The following TENM1 variants were observed in gnomAD, a reference collection of about 807,000 sequenced individuals.
TENM1 encodes the protein teneurin transmembrane protein 1.
TENM1 carries 35 observed loss-of-function variants against 174.8 expected under a neutral mutation model. The ratio of observed to expected loss-of-function variants is 0.20; its 90% CI spans 0.15 to 0.27. The LOEUF (loss-of-function observed/expected upper bound fraction) is 0.27, where lower values mean the gene tolerates loss of function less well. Among genes scored for constraint, TENM1 ranks in the 10% least tolerant of loss-of-function variants. The pLI is 1.00. For missense variants in TENM1, 1,633 were observed against 2,130.1 expected (o/e 0.77, Z 4.59); for synonymous variants, 781 against 798.7 (o/e 0.98, Z 0.37).
chrX:124,590,764 T>C (rs1233199359), intron 11 of TENM1, among the ~76,000 whole-genome samples: 1 of 111,897 alleles, frequency 8.9e-6, no homozygotes, highest in Non-Finnish European at 1.9e-5. Flanking sequence ...ATTGGTTGAG[T>C]GTCTAAGCTA....
chrX:124,968,836 T>G, the TENM1 span, among the ~76,000 whole-genome samples: 1 of 111,883 alleles, frequency 8.9e-6, no homozygotes. Flanking sequence ...GTCAAAGGCT[T>G]GAGAAACAGA....
intron 1 of TENM1, among the ~76,000 whole-genome samples, chrX:124,942,461 A>G (rs1035110849): frequency 5.4e-5 from 6 of 111,831 alleles, no homozygotes; most frequent in South Asian, 3.7e-4. Flanking sequence ...CGCAGGGCTC[A>G]CTATGAATAG....
chrX:124,737,525 A>T (rs1225664536), intron 3 of TENM1, among the ~76,000 whole-genome samples: 1 of 112,348 alleles, frequency 8.9e-6, no homozygotes, highest in East Asian at 2.8e-4. Flanking sequence ...ACCAAGTTAC[A>T]GAACAGAAGT....
intron 6 of TENM1, among the ~76,000 whole-genome samples, chrX:124,660,374 C>CAA (rs778832717): frequency 5.8e-5 from 6 of 103,030 alleles, no homozygotes; most frequent in African/African-American, 2.2e-4. Context: ...GACTCCATCT[C>CAA]CAAAAAAAAA....
At position 124,425,995 on chromosome X, in the gene TENM1, GGTGTGTGTGTGTGTGTGTGTGT is replaced by G. The variant is rs200141105; in HGVS notation, c.4105-3379_4105-3358del. 9.8e-4 allele frequency among the ~76,000 whole-genome samples: 86 copies of G among 88,018 alleles called. No individual in the cohort carries two copies. The Admixed American group carries it at 0.01, about 11-fold the overall frequency. 76.4% of individuals were successfully genotyped at this position (88,018 alleles called of 115,157 possible). A position where few individuals can be genotyped will look rare whatever the true frequency, so the allele number is the denominator to read the frequency against. ...TTAAAGAGTTGGAAGCAAAAGGACT[GGTGTGTGTGTGTGTGTGTGTGT>G]GTGTGTGTGTGTGTGTGTGTGTGTG... is the stretch of plus-strand genomic sequence containing the variant. On this transcript the variant is annotated intron_variant, in intron 23 of 31. Coordinates refer to ENST00000422452, the Ensembl canonical transcript of TENM1.
intron 4 of TENM1, among the ~76,000 whole-genome samples, chrX:124,719,391 T>C (rs1039249968): frequency 2.7e-5 from 3 of 111,496 alleles, no homozygotes; most frequent in Non-Finnish European, 5.6e-5. Context: ...CTTTTTAAAC[T>C]GTACCCCTCA....
chrX:124,703,796 T>A (rs151236614), intron 5 of TENM1, among the ~76,000 whole-genome samples: 35 of 112,256 alleles, frequency 3.1e-4, no homozygotes, highest in Admixed American at 1.7e-3. Context: ...TATCCTGAAA[T>A]GTCTGAGATA....
At chrX:124,959,260 C>A (rs1297579957) in intron 1 of TENM1, among the ~76,000 whole-genome samples, 1 of 111,656 alleles carries the variant, frequency 9.0e-6, no homozygotes, top group African/African-American at 3.3e-5. Context: ...TAAGTCATTT[C>A]TCCTTCAAAG....
At chrX:124,828,346 C>T (rs2056213908) in intron 3 of TENM1, among the ~76,000 whole-genome samples, 1 of 111,764 alleles carries the variant, frequency 8.9e-6, no homozygotes, top group Non-Finnish European at 1.9e-5. Context: ...GGCACAAGCA[C>T]GGATAATAGC....
At chrX:125,116,350 C>T in the TENM1 span, among the ~76,000 whole-genome samples, 1 of 111,830 alleles carries the variant, frequency 8.9e-6, no homozygotes, top group Non-Finnish European at 1.9e-5. Flanking sequence ...GATTAAAACA[C>T]CAAAAGCAAT....
At chrX:124,740,510 T>C (rs1414622684) in intron 3 of TENM1, among the ~76,000 whole-genome samples, 1 of 111,771 alleles carries the variant, frequency 8.9e-6, no homozygotes, top group Non-Finnish European at 1.9e-5. Context: ...TCCATATACA[T>C]ATATGGATAT....
chrX:125,029,956 G>C, the TENM1 span, among the ~76,000 whole-genome samples: 10 of 111,814 alleles, frequency 8.9e-5, no homozygotes, highest in Non-Finnish European at 3.8e-5. Context: ...CCTATTTACC[G>C]GCACAACTAA....
At chrX:124,727,014 C>T (rs1189164795) in intron 4 of TENM1, among the ~76,000 whole-genome samples, 1 of 112,181 alleles carries the variant, frequency 8.9e-6, no homozygotes, top group East Asian at 2.8e-4. Flanking sequence ...ATGGCCCTGG[C>T]TCTTCTTTTG....
Position 124,623,663 on chromosome X carries a change from A to G in TENM1, c.2077+18128T>C, listed in dbSNP as rs138119542. Among the ~76,000 whole-genome samples the G allele has an allele frequency of 4.6e-3, 516 of 111,718 alleles. 1 individual carries two copies. Among genetic ancestry groups the G allele is most frequent in the African/African-American group, 0.016 (491 of 30,773 alleles). On this transcript the variant is annotated intron_variant, in intron 11 of 31. Transcript: ENST00000422452. ...TTGCAGGGAAAAAATAGCTATATTC[A>G]AAATCTGCATCTGGTAATATCAGTT...
At chrX:124,781,007 C>G (rs1007728534) in intron 3 of TENM1, among the ~76,000 whole-genome samples, 1 of 111,705 alleles carries the variant, frequency 9.0e-6, no homozygotes, top group African/African-American at 3.3e-5. Context: ...CTTGAACATT[C>G]CTTCCTTTGT....
upstream of TENM1, among the ~76,000 whole-genome samples, chrX:124,967,319 G>C (rs1030872155): frequency 5.4e-5 from 6 of 111,352 alleles, no homozygotes; most frequent in Admixed American, 4.8e-4. Flanking sequence ...GGCTTCCAGA[G>C]ATGTAGTTTT....
rs2061319670 is a variant in TENM1, at chrX:124,471,378, A to ATATATAGTAC, written c.3949+10344_3949+10353dup. Among the ~76,000 whole-genome samples, 2 of 29,412 alleles carry ATATATAGTAC rather than the reference A, an allele frequency of 6.8e-5. 1 individual carries two copies. Among genetic ancestry groups the ATATATAGTAC allele is most frequent in the Non-Finnish European group, 1.1e-4 (2 of 18,654 alleles). 25.5% of individuals were successfully genotyped at this position (29,412 alleles called of 115,157 possible). ...ATAATATATAGTACTATATATTATA[A>ATATATAGTAC]TATATAGTACTATATATAATATATA... On this transcript the variant is annotated intron_variant, in intron 22 of 31. Coordinates refer to ENST00000422452, the Ensembl canonical transcript of TENM1.
chrX:124,845,668 A>G (rs2056592795), intron 3 of TENM1, among the ~76,000 whole-genome samples: 1 of 110,891 alleles, frequency 9.0e-6, no homozygotes, highest in African/African-American at 3.3e-5. Flanking sequence ...CAAAATATAT[A>G]TAGGACCTTA....
At chrX:124,752,729 G>A (rs2054110616) in intron 3 of TENM1, among the ~76,000 whole-genome samples, 1 of 111,039 alleles carries the variant, frequency 9.0e-6, no homozygotes, top group South Asian at 3.8e-4. Context: ...AGTTTTCCCA[G>A]CACCATTTAT....
Sources: gnomAD v4.1 joint callset for allele counts (sites outside exome capture counted in the v4.1 genomes callset) on GRCh38, gnomAD v4.1.1 for gene constraint, MANE v1.5 for transcripts, NCBI Gene and HGNC (gene_info 2026-07-23, HGNC 2026-07-21) for gene names.